NPLOC4: variants seen among roughly 807,000 people sequenced by gnomAD.
NPLOC4 encodes the protein nuclear protein localization protein 4 homolog.
Under a neutral mutation model 80.6 loss-of-function variants are expected in NPLOC4, and 18 were observed. The observed-to-expected ratio is 0.22, with a 90% confidence interval of 0.15 to 0.33. The LOEUF is 0.33. NPLOC4 is among the 10% of genes least tolerant of loss of function. The probability of loss-of-function intolerance (pLI) is 1.00; values close to 1 mark genes in which losing one functional copy is unlikely to be tolerated. For missense variants in NPLOC4, 540 were observed against 786.1 expected, an observed-to-expected ratio of 0.69 and a Z score of 3.74; for synonymous variants, 313 against 301.5, an observed-to-expected ratio of 1.04 and a Z score of -0.39.
At chr17:81,578,309 T>C (rs942781620) in intron 12 of NPLOC4, among the ~76,000 whole-genome samples, 1 of 152,000 alleles carries the variant, frequency 6.6e-6, no homozygotes, top group Non-Finnish European at 1.5e-5. Context: ...TCACACACTC[T>C]AGTCTCAGCA....
chr17:81,623,154 A>G (rs1273710865), intron 2 of NPLOC4, among the ~76,000 whole-genome samples: 3 of 150,726 alleles, frequency 2.0e-5, no homozygotes, highest in Middle Eastern at 3.4e-3. Context: ...AGATCGTGCT[A>G]TTCCACTCCA....
chr17:81,632,328 CTTT>C (rs58346580), intron 1 of NPLOC4, among the ~76,000 whole-genome samples: 1 of 140,018 alleles, frequency 7.1e-6, no homozygotes, highest in Non-Finnish European at 1.5e-5. Flanking sequence ...TTTTTTATTT[CTTT>C]TTTTTTTTTC....
At chr17:81,564,696 G>A (rs1432428837) in intron 16 of NPLOC4, 1 of 151,622 alleles carries the variant, frequency 6.6e-6, no homozygotes, top group Non-Finnish European at 1.5e-5. Context: ...GCTGAGGCAG[G>A]AGAATCGTTT....
rs935419568 is a variant in NPLOC4, at chr17:81,600,360, G to A, written c.902C>T (p.Ala301Val). 1 of 1,611,824 alleles carries A rather than the reference G, an allele frequency of 6.2e-7. No homozygotes were observed. The highest frequency in any genetic ancestry group is 8.5e-7 in the Non-Finnish European group (1 of 1,179,088). Residue 301 changes from alanine (A) to valine (V), a missense_variant, in exon 9 of 17, where the codon GCC becomes GTC. Ala to Val is a moderately conservative substitution (Grantham distance 64). Transcript: ENST00000331134. ...CAGTACCTTCCGCAGGCCAAGTTTGGCAGCAATTTCATCGACCACTTCAGC... is the reference window on the plus strand; with the variant it reads ...CAGTACCTTCCGCAGGCCAAGTTTGACAGCAATTTCATCGACCACTTCAGC... The part of the protein sequence containing the change: ...PKAEVVDEIA[A>V]KLGLRKVGWI...
At chr17:81,617,746 T>C (rs1598674586) in intron 3 of NPLOC4, among the ~76,000 whole-genome samples, 1 of 146,546 alleles carries the variant, frequency 6.8e-6, no homozygotes, top group South Asian at 2.3e-4. Flanking sequence ...CTCGGCTCAC[T>C]GCAACCTCCC....
At chr17:81,622,387 C>T (rs1487434103) in intron 2 of NPLOC4, 109 bp from the exon 3 acceptor site, 1 of 808,810 alleles carries the variant, frequency 1.2e-6, no homozygotes, top group Non-Finnish European at 2.0e-6. Flanking sequence ...TTGGAAAGTG[C>T]CCATCATTTA....
intron 12 of NPLOC4, among the ~76,000 whole-genome samples, chr17:81,583,314 C>T (rs1316031377): frequency 6.6e-6 from 1 of 152,234 alleles, no homozygotes; most frequent in Non-Finnish European, 1.5e-5. Flanking sequence ...CAATTAAATA[C>T]ATTCTGATTT....
intron 8 of NPLOC4, among the ~76,000 whole-genome samples, chr17:81,600,870 G>A (rs1456397591): frequency 6.6e-6 from 1 of 152,190 alleles, no homozygotes; most frequent in Non-Finnish European, 1.5e-5. Flanking sequence ...AAACAGCCTT[G>A]GAAAATCTGT....
rs1192305366 is a variant in NPLOC4, at chr17:81,633,203, T to C, written c.16-3398A>G. On this transcript the variant is annotated intron_variant, in intron 1 of 16. Transcript: ENST00000331134. Reference sequence around the variant, plus strand: ...CTAGTATACTTCATTCTAGATTCAATACCCCAGAAAAACGTTTTCACAATA... The same window carrying C: ...CTAGTATACTTCATTCTAGATTCAACACCCCAGAAAAACGTTTTCACAATA... 4.0e-5 allele frequency among the ~76,000 whole-genome samples: 6 copies of C among 151,814 alleles called. No individual in the cohort carries two copies. The East Asian group carries it at 1.2e-3, about 29-fold the overall frequency.
At chr17:81,605,412 G>A (rs912191864) in intron 7 of NPLOC4, among the ~76,000 whole-genome samples, 4 of 151,798 alleles carry the variant, frequency 2.6e-5, no homozygotes, top group African/African-American at 9.7e-5. Flanking sequence ...TATGGGAGGT[G>A]AGGCAGGCGG....
intron 11 of NPLOC4, among the ~76,000 whole-genome samples, chr17:81,594,519 G>A (rs1038936392): frequency 2.6e-5 from 4 of 151,988 alleles, no homozygotes; most frequent in Non-Finnish European, 5.9e-5. Flanking sequence ...GCTCACGCCT[G>A]TCATCCCAGC....
chr17:81,599,754 A>G (rs879389647), intron 9 of NPLOC4, among the ~76,000 whole-genome samples: 21 of 152,278 alleles, frequency 1.4e-4, no homozygotes, highest in Non-Finnish European at 2.9e-4. Flanking sequence ...AAACCAGATC[A>G]ATAGAATAAA....
chr17:81,572,003 T>C lies in NPLOC4; in HGVS notation c.1353+14A>G, dbSNP rs1598622418. On this transcript the variant is annotated intron_variant, in intron 13 of 16. Coordinates refer to ENST00000331134, the MANE Select transcript of NPLOC4 (RefSeq NM_017921.4). This position sits in a 1 kb window ranked among gnomAD's most constrained non-coding sequence, Gnocchi z 4.5. ...TGGGTCCACCTGCCCAAGCTGTGCATGGGGGGCACTTACGTCTATGATGAG... is the reference window on the plus strand; with the variant it reads ...TGGGTCCACCTGCCCAAGCTGTGCACGGGGGGCACTTACGTCTATGATGAG... 6.3e-7 allele frequency: 1 copy of C among 1,591,324 alleles called. No homozygotes were observed. Among genetic ancestry groups the C allele is most frequent in the Non-Finnish European group, 8.6e-7 (1 of 1,166,562 alleles).
Position 81,577,655 on chromosome 17 carries a change from G to A in NPLOC4, c.1282-5567C>T, listed in dbSNP as rs771986718. On this transcript the variant is annotated intron_variant, in intron 12 of 16. Transcript: ENST00000331134. The surrounding 1 kb of genome is among the most constrained non-coding windows in gnomAD (Gnocchi z 4.3). ...CTTCCAGACCTGAGTCCTGGCAACCGTCTGTCCTGCTCCATCTTCAAACTC... is the reference window on the plus strand; with the variant it reads ...CTTCCAGACCTGAGTCCTGGCAACCATCTGTCCTGCTCCATCTTCAAACTC... Among the ~76,000 whole-genome samples, 9 of 152,152 alleles carry A rather than the reference G, an allele frequency of 5.9e-5. No individual in the cohort carries two copies. Among genetic ancestry groups the A allele is most frequent in the African/African-American group, 1.9e-4 (8 of 41,438 alleles).
chr17:81,605,523 C>G (rs902600572), intron 7 of NPLOC4, among the ~76,000 whole-genome samples: 4 of 151,792 alleles, frequency 2.6e-5, no homozygotes, highest in African/African-American at 9.7e-5. Flanking sequence ...TGGCTCATGC[C>G]TGTAATCCCA....
intron 3 of NPLOC4, among the ~76,000 whole-genome samples, chr17:81,618,111 G>A (rs1311572502): frequency 1.3e-5 from 2 of 152,088 alleles, no homozygotes; most frequent in African/African-American, 2.4e-5. Context: ...TCTCTGCCTG[G>A]CCGCCCATCG....
intron 12 of NPLOC4, among the ~76,000 whole-genome samples, chr17:81,583,332 T>C (rs558051477): frequency 7.2e-5 from 11 of 152,374 alleles, no homozygotes; most frequent in Non-Finnish European, 1.2e-4. Context: ...TTTGGCCATA[T>C]AGTCAATAAA....
At chr17:81,587,678 T>TG (rs1270595490) in intron 12 of NPLOC4, among the ~76,000 whole-genome samples, 3 of 143,150 alleles carry the variant, frequency 2.1e-5, no homozygotes, top group Admixed American at 1.4e-4. Context: ...AAAGTTGTTT[T>TG]TTTTTTTTTT....
chr17:81,605,271 A>G (rs1444711027), intron 7 of NPLOC4, among the ~76,000 whole-genome samples: 1 of 131,974 alleles, frequency 7.6e-6, no homozygotes, highest in African/African-American at 2.7e-5. Context: ...ACAGAGCAAA[A>G]CTCCATCTCA....
Sources: allele counts gnomAD v4.1 joint callset (sites outside exome capture counted in the v4.1 genomes callset), GRCh38; gene constraint gnomAD v4.1.1; non-coding constraint Gnocchi (gnomAD v3.1); transcripts MANE v1.5; gene names NCBI Gene and HGNC (gene_info 2026-07-23, HGNC 2026-07-21).